The following DMD variants were observed in gnomAD, a reference collection of about 807,000 sequenced individuals.
The protein encoded by DMD is dystrophin.
Under a neutral mutation model 330.1 loss-of-function variants are expected in DMD, and 63 were observed. The observed-to-expected ratio is 0.19, with a 90% confidence interval of 0.16 to 0.24. The LOEUF (loss-of-function observed/expected upper bound fraction) is 0.24. DMD is among the 10% of genes least tolerant of loss of function. DMD has a pLI of 1.00. For synonymous variants in DMD, 1,223 were observed against 959.8 expected (o/e 1.27, Z -5.07); for missense variants, 3,344 against 2,684.1 (o/e 1.25, Z -5.43).
chrX:31,341,891 G>GCGCGCGCGCGCACA (rs374298104), intron 61 of DMD, among the ~76,000 whole-genome samples: 8 of 98,891 alleles, frequency 8.1e-5, no homozygotes, highest in Non-Finnish European at 1.4e-4. Context: ...GTGCGCGCGC[G>GCGCGCGCGCGCACA]CACACACACA....
intron 59 of DMD, among the ~76,000 whole-genome samples, chrX:31,447,768 G>A (rs1474769318): frequency 2.7e-5 from 3 of 110,299 alleles, no homozygotes; most frequent in Non-Finnish European, 5.7e-5. Context: ...GGAGGCTGAG[G>A]TGGGTGGATG....
In DMD at chrX:32,351,237, T is replaced by C. The variant is rs751694738; in HGVS notation, c.5326-2709A>G. On this transcript the variant is annotated intron_variant, in intron 37 of 78. Transcript: ENST00000357033. ...ATCCTCTCAAAATCCTAATCATCCA[T>C]TGGCTCAGGTCAAGCCCTTCCTCCT... 6.3e-5 allele frequency among the ~76,000 whole-genome samples: 7 copies of C among 110,936 alleles called. No homozygotes were observed. In the East Asian group the frequency reaches 1.7e-3, roughly 27 times the overall value.
chrX:32,654,438 A>G (rs2060407541), intron 9 of DMD, among the ~76,000 whole-genome samples: 1 of 111,602 alleles, frequency 9.0e-6, no homozygotes, highest in Non-Finnish European at 1.9e-5. Context: ...TTCTGTTTAT[A>G]TGCTGCATTA....
At chrX:32,208,322 C>G in intron 44 of DMD, among the ~76,000 whole-genome samples, 1 of 111,978 alleles carries the variant, frequency 8.9e-6, no homozygotes, top group Non-Finnish European at 1.9e-5. Context: ...AATTGCACAT[C>G]AATCTCAAAG....
chrX:32,840,740 T>C (rs1569532466), intron 4 of DMD, among the ~76,000 whole-genome samples: 1 of 112,321 alleles, frequency 8.9e-6, no homozygotes, highest in African/African-American at 3.2e-5. Context: ...GACTTCATCT[T>C]GTATATTGTG....
At chrX:32,827,065 C>CCGCCA (rs767139724) in intron 4 of DMD, among the ~76,000 whole-genome samples, 1 of 68,986 alleles carries the variant, frequency 1.4e-5, no homozygotes, top group Non-Finnish European at 2.6e-5. Flanking sequence ...CACCCCCCCC[C>CCGCCA]CACACACACA....
intron 55 of DMD, among the ~76,000 whole-genome samples, chrX:31,610,298 A>T (rs1413554743): frequency 8.9e-6 from 1 of 112,399 alleles, no homozygotes; most frequent in African/African-American, 3.2e-5. Flanking sequence ...CTTTGCTAGA[A>T]CTAACCAAGT....
chrX:32,704,313 A>G (rs988540758), intron 7 of DMD, among the ~76,000 whole-genome samples: 16 of 90,020 alleles, frequency 1.8e-4, no homozygotes, highest in African/African-American at 6.3e-4. Context: ...TGCTTTCAAC[A>G]TGCCCTCACC....
At chrX:32,410,069 C>T (rs1212689828) in intron 30 of DMD, among the ~76,000 whole-genome samples, 3 of 111,535 alleles carry the variant, frequency 2.7e-5, no homozygotes, top group East Asian at 5.6e-4. Context: ...GAGAACCTGG[C>T]TTGTGTAAGT....
intron 9 of DMD, among the ~76,000 whole-genome samples, chrX:32,678,543 G>T (rs186761122): frequency 0.02 from 2,245 of 110,173 alleles, 59 homozygotes; most frequent in African/African-American, 0.068. Flanking sequence ...TGTGTGTATG[G>T]GTGGGTGCCT....
chrX:32,752,382 T>A (rs1205920687), intron 7 of DMD, among the ~76,000 whole-genome samples: 1 of 110,991 alleles, frequency 9.0e-6, no homozygotes, highest in African/African-American at 3.3e-5. Flanking sequence ...TTGACAGCCC[T>A]GCTGGATTTC....
chrX:32,377,375 G>A (rs1458349907), intron 34 of DMD, among the ~76,000 whole-genome samples: 3 of 111,797 alleles, frequency 2.7e-5, no homozygotes, highest in African/African-American at 9.7e-5. Context: ...GATTGATACA[G>A]GTTCCTAGAG....
intron 1 of DMD, among the ~76,000 whole-genome samples, chrX:33,061,843 C>T (rs919376773): frequency 9.0e-6 from 1 of 111,688 alleles, no homozygotes; most frequent in Non-Finnish European, 1.9e-5. Context: ...AATTCAGCTA[C>T]AGGTTTAGAG....
At chrX:31,139,474 T>TACACACACACACAC (rs57784155) in intron 76 of DMD, among the ~76,000 whole-genome samples, 2 of 98,585 alleles carry the variant, frequency 2.0e-5, no homozygotes, top group African/African-American at 7.5e-5. Context: ...GGTGTTTATA[T>TACACACACACACAC]ACACACACAC....
rs1423537877 is a variant in DMD at position 31,178,720 on chromosome X, C to T, written c.10172G>A (p.Arg3391Gln). 4 of 1,210,920 alleles carry T rather than the reference C, an allele frequency of 3.3e-6. No homozygotes were observed. Among genetic ancestry groups the T allele is most frequent in the Non-Finnish European group, 3.4e-6 (3 of 894,926 alleles). Residue 3391 changes from arginine (R) to glutamine (Q), a missense_variant, in exon 70 of 79, where the codon CGA becomes CAA. Transcript: ENST00000357033. ...RTKRYFAKHP[R>Q]MGYLPVQTVL... ...AGTCTGCACTGGCAGGTAGCCCATT[C>T]GGGGATGCTTCGCAAAATACCTTTT...
intron 5 of DMD, among the ~76,000 whole-genome samples, chrX:32,818,565 C>T (rs373908450): frequency 3.7e-4 from 41 of 111,410 alleles, no homozygotes; most frequent in African/African-American, 1.1e-3. Flanking sequence ...TGTGTGTGCG[C>T]GCATACAACT....
At chrX:32,430,972 T>G (rs1298675910) in intron 29 of DMD, among the ~76,000 whole-genome samples, 1 of 112,154 alleles carries the variant, frequency 8.9e-6, no homozygotes, top group Non-Finnish European at 1.9e-5. Flanking sequence ...CAATGGACAT[T>G]TAGGTTGTCT....
intron 1 of DMD, among the ~76,000 whole-genome samples, chrX:33,331,581 A>G (rs1183044851): frequency 9.0e-6 from 1 of 111,522 alleles, no homozygotes; most frequent in Non-Finnish European, 1.9e-5. Flanking sequence ...AGCTCTTTGT[A>G]TTCATAACCC....
intron 62 of DMD, among the ~76,000 whole-genome samples, chrX:31,320,122 A>G (rs1294726981): frequency 8.9e-6 from 1 of 112,188 alleles, no homozygotes; most frequent in African/African-American, 3.2e-5. Flanking sequence ...GAATATGAAA[A>G]CTGTAACAAT....
Sources: allele counts gnomAD v4.1 joint callset (sites outside exome capture counted in the v4.1 genomes callset), GRCh38; gene constraint gnomAD v4.1.1; transcripts MANE v1.5; gene names NCBI Gene and HGNC (gene_info 2026-07-23, HGNC 2026-07-21).